The following MLLT3 variants were observed in gnomAD, a reference collection of about 807,000 sequenced individuals.
The protein encoded by MLLT3 is protein AF-9.
MLLT3 carries 4 observed loss-of-function variants against 53.2 expected under a neutral mutation model. The observed-to-expected ratio is 0.08, with a 90% confidence interval of 0.04 to 0.17. The LOEUF (loss-of-function observed/expected upper bound fraction) is 0.17, where lower values mean the gene tolerates loss of function less well. MLLT3 is among the 10% of genes least tolerant of loss of function. The pLI is 1.00. For missense variants in MLLT3, 569 were observed against 684.0 expected (o/e 0.83, Z 1.87); for synonymous variants, 283 against 230.6 (o/e 1.23, Z -2.06).
intron 2 of MLLT3, among the ~76,000 whole-genome samples, chr9:20,536,833 T>C (rs1423474959): frequency 6.6e-6 from 1 of 150,696 alleles, no homozygotes; most frequent in East Asian, 1.9e-4. Flanking sequence ...CTCCTGCAGG[T>C]AGTAGCTGTT....
intron 2 of MLLT3, among the ~76,000 whole-genome samples, chr9:20,461,570 TAATA>T (rs796869497): frequency 6.6e-6 from 1 of 152,006 alleles, no homozygotes; most frequent in South Asian, 2.1e-4. Flanking sequence ...TGTGCTTATA[TAATA>T]AATTACTTAT....
chr9:20,411,938 A>G (rs1822738795), intron 5 of MLLT3: 2 of 152,214 alleles, frequency 1.3e-5, no homozygotes. Context: ...AATTTTGACC[A>G]CTATAAGAAA....
At chr9:20,534,759 G>A (rs1332829866) in intron 2 of MLLT3, among the ~76,000 whole-genome samples, 2 of 152,054 alleles carry the variant, frequency 1.3e-5, no homozygotes, top group East Asian at 1.9e-4. Flanking sequence ...GGTGGCAGGC[G>A]CCTATAATCC....
chr9:20,583,937 G>C (rs1225065357), intron 2 of MLLT3, among the ~76,000 whole-genome samples: 1 of 152,210 alleles, frequency 6.6e-6, no homozygotes, highest in Non-Finnish European at 1.5e-5. Context: ...TAGAGGGCTT[G>C]AATTTCTCCC....
chr9:20,536,548 G>A (rs371031765), intron 2 of MLLT3, among the ~76,000 whole-genome samples: 5 of 152,188 alleles, frequency 3.3e-5, no homozygotes, highest in East Asian at 1.9e-4. Flanking sequence ...CTGTTCTCTC[G>A]GAATCAGTCT....
chr9:20,498,227 C>CAAAAAAAAAAAAAAAAAAAAA (rs529049653), intron 2 of MLLT3, among the ~76,000 whole-genome samples: 1 of 32,518 alleles, frequency 3.1e-5, no homozygotes, highest in African/African-American at 8.0e-5. Flanking sequence ...GACGCTGTCT[C>CAAAAAAAAAAAAAAAAAAAAA]AAAAAAAAAA....
chr9:20,437,350 A>T (rs1363904421), intron 4 of MLLT3, among the ~76,000 whole-genome samples: 4 of 152,182 alleles, frequency 2.6e-5, no homozygotes, highest in African/African-American at 9.7e-5. Context: ...GTTTAATTAC[A>T]GCTTTTTTTA....
chr9:20,621,077 T>C lies in MLLT3; in HGVS notation c.13-243A>G. ...CCCGCATCTACATCGGACAGGATTG[T>C]AACGGAATGTTATCCCCAGTCGGGA... On this transcript the variant is annotated intron_variant, in intron 1 of 10. Coordinates refer to ENST00000380338, the MANE Select transcript of MLLT3 (RefSeq NM_004529.4). The surrounding 1 kb of genome is among the most constrained non-coding windows in gnomAD (Gnocchi z 7.0). 1.5e-6 allele frequency: 1 copy of C among 646,878 alleles called. No individual in the cohort carries two copies. The highest frequency in any genetic ancestry group is 2.4e-5 in the Admixed American group (1 of 42,236). The allele number at this position is 646,878 out of a possible 1,614,324, so 40.1% of individuals were successfully genotyped here.
intron 5 of MLLT3, among the ~76,000 whole-genome samples, chr9:20,407,388 G>A (rs1251844091): frequency 6.6e-6 from 1 of 152,178 alleles, no homozygotes; most frequent in East Asian, 1.9e-4. Context: ...TAAGAAGCTA[G>A]AGGCTCCTGG....
chr9:20,441,416 A>C (rs905460270), intron 4 of MLLT3, among the ~76,000 whole-genome samples: 3 of 152,114 alleles, frequency 2.0e-5, no homozygotes, highest in Admixed American at 6.6e-5. Context: ...TTACATTTGG[A>C]ATTAAGGCTC....
At chr9:20,527,862 T>G (rs542809739) in intron 2 of MLLT3, among the ~76,000 whole-genome samples, 2 of 152,214 alleles carry the variant, frequency 1.3e-5, no homozygotes, top group African/African-American at 4.8e-5. Flanking sequence ...ATGACACCAT[T>G]AATTCTGTAA....
Position 20,459,396 on chromosome 9 carries a change from G to T in MLLT3, c.194-2610C>A, listed in dbSNP as rs368677629. On this transcript the variant is annotated intron_variant, in intron 2 of 10. Coordinates refer to ENST00000380338, the MANE Select transcript of MLLT3 (RefSeq NM_004529.4). ...GAATATTCAAATATTGTGAACACTG[G>T]AGACAAGTGAGAGAGTCTCACTAAA... Among the ~76,000 whole-genome samples, 4 of 152,174 alleles carry T rather than the reference G, an allele frequency of 2.6e-5. No homozygotes were observed. The East Asian group carries it at 5.8e-4, about 22-fold the overall frequency.
At chr9:20,385,419 G>T (rs1822009627) in intron 5 of MLLT3, among the ~76,000 whole-genome samples, 1 of 152,126 alleles carries the variant, frequency 6.6e-6, no homozygotes, top group Admixed American at 6.6e-5. Flanking sequence ...CGAAGAAAAT[G>T]TACAAATGAA....
At chr9:20,559,470 G>A (rs890699667) in intron 2 of MLLT3, among the ~76,000 whole-genome samples, 3 of 152,166 alleles carry the variant, frequency 2.0e-5, no homozygotes, top group South Asian at 2.1e-4. Context: ...ATAGCACTCC[G>A]GAAGAATAAA....
intron 5 of MLLT3, among the ~76,000 whole-genome samples, chr9:20,370,046 G>C (rs547010326): frequency 6.6e-6 from 1 of 152,234 alleles, no homozygotes; most frequent in East Asian, 1.9e-4. Context: ...ACTACTTCTT[G>C]CTGATCCTCT....
At chr9:20,405,252 A>C (rs1275462301) in intron 5 of MLLT3, among the ~76,000 whole-genome samples, 1 of 152,228 alleles carries the variant, frequency 6.6e-6, no homozygotes, top group African/African-American at 2.4e-5. Flanking sequence ...AGCATTTTAG[A>C]AATCATGCCA....
rs1408603774 is a variant in MLLT3, at chr9:20,354,380, T to G, written c.1503+428A>C. The stretch of plus-strand genomic sequence containing the variant: ...CTGCCCTGGCCCTACAGAGCAAGGT[T>G]AGGGCTCTGCCCAAACCAGGCAACT... On this transcript the variant is annotated intron_variant, in intron 9 of 10. Transcript: ENST00000380338. 2.6e-5 allele frequency among the ~76,000 whole-genome samples: 4 copies of G among 152,354 alleles called. No homozygotes were observed. In the East Asian group the frequency reaches 7.7e-4, roughly 29 times the overall value.
At chr9:20,578,760 T>C (rs937620971) in intron 2 of MLLT3, among the ~76,000 whole-genome samples, 30 of 152,086 alleles carry the variant, frequency 2.0e-4, no homozygotes, top group African/African-American at 6.3e-4. Context: ...TTCAAGTATA[T>C]GACGCTAACA....
At chr9:20,569,457 A>G (rs1819470685) in intron 2 of MLLT3, among the ~76,000 whole-genome samples, 1 of 152,174 alleles carries the variant, frequency 6.6e-6, no homozygotes, top group Non-Finnish European at 1.5e-5. Flanking sequence ...GCAATCATCT[A>G]TCTACACTCC....
Sources: gnomAD v4.1 joint callset for allele counts (sites outside exome capture counted in the v4.1 genomes callset) on GRCh38, gnomAD v4.1.1 for gene constraint, Gnocchi (gnomAD v3.1) non-coding constraint, MANE v1.5 for transcripts, NCBI Gene and HGNC (gene_info 2026-07-23, HGNC 2026-07-21) for gene names.